CPQ: variants seen among roughly 807,000 people sequenced by gnomAD.
CPQ encodes the protein carboxypeptidase Q.
CPQ carries 37 observed loss-of-function variants against 45.7 expected under a neutral mutation model. The observed-to-expected ratio is 0.81, with a 90% CI of 0.62 to 1.07. CPQ has a LOEUF of 1.07. Ranked by LOEUF, CPQ falls within the 50% of genes least tolerant of loss-of-function variation. The pLI is 0.00. For missense variants in CPQ, 537 were observed against 572.9 expected (o/e 0.94, Z 0.64); for synonymous variants, 186 against 205.8 (o/e 0.90, Z 0.82).
Position 96,982,388 on chromosome 8 carries a change from C to T in CPQ, c.961+16342C>T, listed in dbSNP as rs548463050. ...TTGATATGGAGTCTTGTCTCCCAGG[C>T]TACAGTGCAATGGCACATCAGCTCA... On this transcript the variant is annotated intron_variant, in intron 5 of 7. Coordinates refer to ENST00000220763, the MANE Select transcript of CPQ (RefSeq NM_016134.4). Among the ~76,000 whole-genome samples, 3 of 152,232 alleles carry T rather than the reference C, an allele frequency of 2.0e-5. 1 individual carries two copies. The South Asian group carries it at 6.2e-4, about 32-fold the overall frequency.
At chr8:96,946,855 A>G (rs1239282285) in intron 4 of CPQ, among the ~76,000 whole-genome samples, 1 of 152,076 alleles carries the variant, frequency 6.6e-6, no homozygotes, top group Admixed American at 6.6e-5. Flanking sequence ...CTCAAGTCTC[A>G]ACTCAAACCT....
intron 5 of CPQ, among the ~76,000 whole-genome samples, chr8:96,988,020 T>C (rs1372613127): frequency 1.3e-5 from 2 of 152,214 alleles, no homozygotes; most frequent in Admixed American, 1.3e-4. Flanking sequence ...GTAGGGTTTG[T>C]TTTAGATTCA....
intron 4 of CPQ, among the ~76,000 whole-genome samples, chr8:96,931,416 T>C (rs1812973579): frequency 6.6e-6 from 1 of 151,780 alleles, no homozygotes; most frequent in African/African-American, 2.4e-5. Flanking sequence ...ACAACACCAT[T>C]GCTTGTTTTT....
chr8:96,909,476 C>G (rs143753998), intron 4 of CPQ, among the ~76,000 whole-genome samples: 8 of 152,226 alleles, frequency 5.3e-5, no homozygotes, highest in Non-Finnish European at 1.0e-4. Flanking sequence ...TTTCTTTTCC[C>G]TCTCTTCAGT....
chr8:97,048,182 GTC>G (rs1275596891), intron 6 of CPQ, among the ~76,000 whole-genome samples: 3 of 152,152 alleles, frequency 2.0e-5, no homozygotes, highest in African/African-American at 7.2e-5. Context: ...TCCTGGCCAG[GTC>G]CACTTAGTGA....
rs1554573253 is a variant in CPQ at position 96,854,557 on chromosome 8, A to AAAAAAAAAAAAACAC, written c.641+19379_641+19380insAAAAAAAAAACACAA. Among the ~76,000 whole-genome samples, 7 of 76,888 alleles carry AAAAAAAAAAAAACAC rather than the reference A, an allele frequency of 9.1e-5. 1 individual carries two copies. The highest frequency in any genetic ancestry group is 2.5e-4 in the African/African-American group (5 of 20,040). The allele number at this position is 76,888 out of a possible 152,430, so 50.4% of individuals were successfully genotyped here. A position where few individuals can be genotyped will look rare whatever the true frequency, so the allele number is the denominator to read the frequency against. On this transcript the variant is annotated intron_variant, in intron 3 of 7. Transcript: ENST00000220763. ...AAAAAAAAAAAAAAAAAAAAAAAAA[A>AAAAAAAAAAAAACAC]AATGTGGTGGAACTAAAAGCCCAGT...
Position 96,785,226 on chromosome 8 carries a change from T to C in CPQ, c.329T>C (p.Ile110Thr), listed in dbSNP as rs1332047890. Residue 110 changes from isoleucine to threonine, a missense_variant, in exon 2 of 8, where the codon ATA becomes ACA. Coordinates refer to ENST00000220763, the MANE Select transcript of CPQ (RefSeq NM_016134.4). Reference protein sequence around the residue: ...LEKVHLEPVRIPHWERGEESA... With the variant: ...LEKVHLEPVRTPHWERGEESA... ...AAAGTTCACCTGGAGCCAGTGAGAA[T>C]ACCCCACTGGGAGAGGGGAGAAGAA... The C allele has an allele frequency of 1.2e-6, 2 of 1,613,394 alleles. No individual in the cohort carries two copies. The highest frequency in any genetic ancestry group is 1.7e-5 in the Admixed American group (1 of 59,928).
intron 6 of CPQ, among the ~76,000 whole-genome samples, chr8:97,041,836 C>A (rs539430316): frequency 1.8e-4 from 28 of 152,210 alleles, no homozygotes; most frequent in Middle Eastern, 3.4e-3. Flanking sequence ...GGATGAAGCC[C>A]ACTTGATCAT....
intron 6 of CPQ, among the ~76,000 whole-genome samples, chr8:97,043,102 T>C (rs1366998359): frequency 1.3e-5 from 2 of 152,112 alleles, no homozygotes; most frequent in South Asian, 2.1e-4. Context: ...AGTCTCCCAT[T>C]ATTAATGTGT....
At chr8:96,770,801 G>A (rs1038785180) in intron 1 of CPQ, among the ~76,000 whole-genome samples, 2 of 148,556 alleles carry the variant, frequency 1.3e-5, no homozygotes, top group African/African-American at 4.9e-5. Context: ...AGTAGTAAGT[G>A]AACATAGGCA....
chr8:96,893,684 G>A (rs1812405724), intron 4 of CPQ, among the ~76,000 whole-genome samples: 1 of 152,066 alleles, frequency 6.6e-6, no homozygotes, highest in African/African-American at 2.4e-5. Context: ...TCAAAATGTG[G>A]TTCTCTATAA....
chr8:96,785,877 G>T (rs187658233), intron 2 of CPQ, among the ~76,000 whole-genome samples: 286 of 152,240 alleles, frequency 1.9e-3, no homozygotes, highest in Middle Eastern at 0.01. Context: ...GGGATGTATA[G>T]CCAGTCATCA....
chr8:96,878,513 T>C (rs1160521494), intron 3 of CPQ, among the ~76,000 whole-genome samples: 1 of 152,190 alleles, frequency 6.6e-6, no homozygotes, highest in Non-Finnish European at 1.5e-5. Context: ...GAAACAAAGA[T>C]GTGGGTAACT....
At chr8:96,787,930 A>G (rs1810793307) in intron 2 of CPQ, among the ~76,000 whole-genome samples, 1 of 151,934 alleles carries the variant, frequency 6.6e-6, no homozygotes, top group South Asian at 2.1e-4. Context: ...TGGGCAGAAC[A>G]ACTGTTTAGA....
At chr8:97,070,723 CT>C (rs1366067088) in intron 7 of CPQ, among the ~76,000 whole-genome samples, 1 of 152,144 alleles carries the variant, frequency 6.6e-6, no homozygotes, top group African/African-American at 2.4e-5. Flanking sequence ...GTGAATTGCT[CT>C]TCCCTGACAA....
At chr8:96,658,298 C>T (rs1256321410) in intron 1 of CPQ, among the ~76,000 whole-genome samples, 1 of 152,190 alleles carries the variant, frequency 6.6e-6, no homozygotes, top group Non-Finnish European at 1.5e-5. Flanking sequence ...CTCACTGGCA[C>T]CTTGCATTTC....
chr8:97,015,814 C>T (rs1809569285), intron 5 of CPQ, among the ~76,000 whole-genome samples: 1 of 151,950 alleles, frequency 6.6e-6, no homozygotes, highest in African/African-American at 2.4e-5. Flanking sequence ...AGTGAAGAAC[C>T]ATTTTTGAAC....
chr8:96,847,519 T>A lies in CPQ; in HGVS notation c.641+12339T>A, dbSNP rs190438741. Among the ~76,000 whole-genome samples, 352 of 152,296 alleles carry A rather than the reference T, an allele frequency of 2.3e-3. 2 individuals carry two copies. The highest frequency in any genetic ancestry group is 8.0e-3 in the African/African-American group (331 of 41,578). On this transcript the variant is annotated intron_variant, in intron 3 of 7. Coordinates refer to ENST00000220763, the MANE Select transcript of CPQ (RefSeq NM_016134.4). ...AAAATAATTAATGTAAAAGTTAGCA[T>A]TACATGATAAGCTTGAATATTTGAA...
rs145619547 is a variant in CPQ at position 96,926,417 on chromosome 8, A to G, written c.850-39518A>G. Among the ~76,000 whole-genome samples, 24 of 152,246 alleles carry G rather than the reference A, an allele frequency of 1.6e-4. No homozygotes were observed. In the East Asian group the frequency reaches 3.3e-3, roughly 21 times the overall value. The stretch of plus-strand genomic sequence containing the variant: ...AGTGTTTTAAATGTCTGAATAATCT[A>G]TTTATTCAATAAACGTTTATGGAAT... On this transcript the variant is annotated intron_variant, in intron 4 of 7. Coordinates refer to ENST00000220763, the MANE Select transcript of CPQ (RefSeq NM_016134.4).
Sources: gnomAD v4.1 joint callset for allele counts (sites outside exome capture counted in the v4.1 genomes callset) on GRCh38, gnomAD v4.1.1 for gene constraint, MANE v1.5 for transcripts, NCBI Gene and HGNC (gene_info 2026-07-23, HGNC 2026-07-21) for gene names.